CCDC15: variants seen among roughly 807,000 people sequenced by gnomAD.
CCDC15 encodes the protein coiled-coil domain containing 15.
CCDC15 carries 105 observed loss-of-function variants against 114.5 expected under a neutral mutation model. That is an observed-to-expected ratio of 0.92 (90% confidence interval 0.78 to 1.08). The LOEUF is 1.08. Among genes scored for constraint, CCDC15 ranks in the 50% least tolerant of loss-of-function variants. The probability of loss-of-function intolerance (pLI) is 0.00; values close to 1 mark genes in which losing one functional copy is unlikely to be tolerated. For synonymous variants in CCDC15, 334 were observed against 377.8 expected (o/e 0.88, Z 1.34); for missense variants, 1,105 against 1,093.6 (o/e 1.01, Z -0.15).
chr11:125,015,661 A>G (rs1039582467), intron 13 of CCDC15, among the ~76,000 whole-genome samples: 16 of 152,338 alleles, frequency 1.1e-4, no homozygotes, highest in African/African-American at 3.6e-4. Context: ...TTTTAAATGT[A>G]TAAGGGAAAA....
At position 124,954,884 on chromosome 11, in the gene CCDC15, C is replaced by G. The variant is rs1591562713; in HGVS notation, c.152C>G (p.Pro51Arg). ...PVGAWVEPAS[P>R]GSSEIPAYTS... is the part of the protein sequence containing the mutation. ...GGGGCATGGGTGGAACCTGCCTCAC[C>G]AGGTAGTTCGGAAATCCCAGCATAT... is the stretch of plus-strand genomic sequence containing the variant. Residue 51 changes from proline to arginine, a missense_variant, in exon 2 of 16, where the codon CCA (proline) becomes CGA (arginine). Coordinates refer to ENST00000344762, the MANE Select transcript of CCDC15 (RefSeq NM_025004.3). 4 of 1,613,944 alleles carry G rather than the reference C, an allele frequency of 2.5e-6. No homozygotes were observed. The East Asian group carries it at 8.9e-5, about 36-fold the overall frequency.
intron 4 of CCDC15, among the ~76,000 whole-genome samples, chr11:124,965,064 T>C (rs1046053056): frequency 9.2e-5 from 14 of 152,242 alleles, no homozygotes; most frequent in African/African-American, 3.1e-4. Flanking sequence ...TGAAGATTTT[T>C]GCATCGATGT....
At chr11:124,992,120 G>GT (rs905175348) in intron 9 of CCDC15, among the ~76,000 whole-genome samples, 1 of 152,006 alleles carries the variant, frequency 6.6e-6, no homozygotes, top group Non-Finnish European at 1.5e-5. Context: ...TCTCCTTTTT[G>GT]TTTTTTTCTC....
intron 11 of CCDC15, among the ~76,000 whole-genome samples, chr11:125,002,046 C>G (rs958662952): frequency 6.6e-6 from 1 of 152,160 alleles, no homozygotes; most frequent in Non-Finnish European, 1.5e-5. Context: ...TCAAATTTCT[C>G]CATATCCTCA....
chr11:124,965,515 A>G (rs1256931662), intron 4 of CCDC15, among the ~76,000 whole-genome samples: 2 of 151,850 alleles, frequency 1.3e-5, no homozygotes, highest in East Asian at 3.9e-4. Context: ...TATTGTGTCT[A>G]TTTGATTCTT....
In CCDC15 at chr11:124,954,856, G is replaced by A; in HGVS notation, c.124G>A (p.Val42Ile). 6.2e-7 allele frequency: 1 copy of A among 1,614,046 alleles called. No individual in the cohort carries two copies. Among genetic ancestry groups the A allele is most frequent in the Non-Finnish European group, 8.5e-7 (1 of 1,179,892 alleles). The change falls in exon 2 of 16, where the codon GTT becomes ATT. Residue 42 changes from valine (V) to isoleucine (I), a missense_variant. Val to Ile is a conservative substitution (Grantham distance 29). Coordinates refer to ENST00000344762, the MANE Select transcript of CCDC15 (RefSeq NM_025004.3). Reference protein sequence around the residue: ...LAERNEAIVPVGAWVEPASPG... With the variant: ...LAERNEAIVPIGAWVEPASPG... ...TGAGAGGAACGAGGCTATAGTACCA[G>A]TTGGGGCATGGGTGGAACCTGCCTC...
Position 124,992,570 on chromosome 11 carries a change from G to A in CCDC15, c.2032-10G>A, listed in dbSNP as rs1948288567. The A allele has an allele frequency of 6.5e-7, 1 of 1,527,646 alleles. No individual in the cohort carries two copies. Among genetic ancestry groups the A allele is most frequent in the Admixed American group, 1.9e-5 (1 of 53,738 alleles). The allele number at this position is 1,527,646 out of a possible 1,614,324, so 94.6% of individuals were successfully genotyped here. On this transcript the variant is annotated splice_polypyrimidine_tract_variant and intron_variant, in intron 9 of 15. Coordinates refer to ENST00000344762, the MANE Select transcript of CCDC15 (RefSeq NM_025004.3). ...TGTTGTTGTTTTTCCTTTAAAATAT[G>A]TTTCTCAAGCAACCTGCATCTTTTA... is the stretch of plus-strand genomic sequence containing the variant.
Position 124,988,146 on chromosome 11 carries a change from C to A in CCDC15, c.1908+12C>A. ...TACCAAAATATCAGGTAAAATAGAG[C>A]AGAAAGGAGATACAAAAAGAAGAAA... On this transcript the variant is annotated intron_variant, in intron 8 of 15. Coordinates refer to ENST00000344762, the MANE Select transcript of CCDC15 (RefSeq NM_025004.3). The A allele has an allele frequency of 6.3e-7, 1 of 1,593,254 alleles. No homozygotes were observed. The highest frequency in any genetic ancestry group is 8.5e-7 in the Non-Finnish European group (1 of 1,172,086).
At chr11:124,994,553 A>G (rs1948330730) in intron 11 of CCDC15, among the ~76,000 whole-genome samples, 1 of 152,066 alleles carries the variant, frequency 6.6e-6, no homozygotes, top group Non-Finnish European at 1.5e-5. Flanking sequence ...TTACAGTGTG[A>G]GAGGGGAAGA....
chr11:124,986,602 C>T, intron 6 of CCDC15, 140 bp from the exon 7 acceptor site: 1 of 864,576 alleles, frequency 1.2e-6, no homozygotes. Flanking sequence ...ATTATAATAG[C>T]AGTGACCTGA....
chr11:124,991,660 TGA>T (rs1948271436), intron 9 of CCDC15, 77 bp downstream of exon 9: 3 of 1,314,980 alleles, frequency 2.3e-6, no homozygotes, highest in South Asian at 3.3e-5. Context: ...TAATTTAGAA[TGA>T]GGGATTTTGG....
intron 5 of CCDC15, among the ~76,000 whole-genome samples, chr11:124,975,578 C>G (rs986850491): frequency 6.6e-6 from 1 of 152,040 alleles, no homozygotes; most frequent in African/African-American, 2.4e-5. Flanking sequence ...AAAAGACAGA[C>G]AAAGATCCCT....
At position 124,986,898 on chromosome 11, in the gene CCDC15, T is replaced by A; in HGVS notation, c.900+10T>A. The stretch of plus-strand genomic sequence containing the variant: ...TTTCAGCAGAGTTCAGGTAAAGCAA[T>A]AAGAGAAATTAAATTAATTGTGATT... On this transcript the variant is annotated intron_variant, in intron 7 of 15. Transcript: ENST00000344762. 6.5e-7 allele frequency: 1 copy of A among 1,529,316 alleles called. No homozygotes were observed. Among genetic ancestry groups the A allele is most frequent in the Non-Finnish European group, 8.8e-7 (1 of 1,139,432 alleles). The allele number at this position is 1,529,316 out of a possible 1,614,324, so 94.7% of individuals were successfully genotyped here.
At chr11:124,976,124 T>C (rs747091414) in intron 5 of CCDC15, among the ~76,000 whole-genome samples, 9 of 151,244 alleles carry the variant, frequency 6.0e-5, no homozygotes, top group East Asian at 1.9e-4. Context: ...AAATATGTTA[T>C]TTTTTTGCCA....
At position 124,991,454 on chromosome 11, in the gene CCDC15, C is replaced by G. The variant is rs372119127; in HGVS notation, c.1909-7C>G. ...AATTTATAGTTTTTTATTATTTTATCTTTTAGAAAGTACACTTTAAGGAGC... is the reference window on the plus strand; with the variant it reads ...AATTTATAGTTTTTTATTATTTTATGTTTTAGAAAGTACACTTTAAGGAGC... On this transcript the variant is annotated splice_region_variant and splice_polypyrimidine_tract_variant and intron_variant, in intron 8 of 15. Transcript: ENST00000344762. The G allele has an allele frequency of 6.7e-7, 1 of 1,499,200 alleles. No individual in the cohort carries two copies. The allele number at this position is 1,499,200 out of a possible 1,614,324, so 92.9% of individuals were successfully genotyped here. A position where few individuals can be genotyped will look rare whatever the true frequency, so the allele number is the denominator to read the frequency against.
rs1947626454 is a variant in CCDC15 at position 124,959,832 on chromosome 11, C to T, written c.345C>T (p.Ser115=). The change falls in exon 4 of 16, where the codon TCC becomes TCT. Residue 115 remains serine, a synonymous_variant. Coordinates refer to ENST00000344762, the MANE Select transcript of CCDC15 (RefSeq NM_025004.3). ...KSYERAQKEG[S]IAMQSSATHL... is the part of the protein sequence containing the mutation. ...TCGTGTAGGCACAAAAAGAAGGCTC[C>T]ATAGCCATGCAGTCTTCAGCAACAC... 3 of 1,600,308 alleles carry T rather than the reference C, an allele frequency of 1.9e-6. No individual in the cohort carries two copies. The highest frequency in any genetic ancestry group is 2.2e-5 in the East Asian group (1 of 44,636).
At chr11:125,033,623 T>TC (rs1489364555) in intron 13 of CCDC15, among the ~76,000 whole-genome samples, 2 of 152,170 alleles carry the variant, frequency 1.3e-5, no homozygotes, top group East Asian at 3.9e-4. Context: ...ACTAATCCAC[T>TC]CCACCATTCC....
At chr11:125,029,868 T>G (rs1488644035) in intron 13 of CCDC15, among the ~76,000 whole-genome samples, 8 of 152,206 alleles carry the variant, frequency 5.3e-5, no homozygotes, top group Admixed American at 3.9e-4. Flanking sequence ...GGACCTCCTG[T>G]GTTCCATGCA....
intron 6 of CCDC15, among the ~76,000 whole-genome samples, chr11:124,983,398 T>TA (rs1948105450): frequency 1.3e-5 from 2 of 152,148 alleles, no homozygotes; most frequent in Non-Finnish European, 2.9e-5. Context: ...CACTGGTTCT[T>TA]ATGTTTGTGG....
Sources: allele counts gnomAD v4.1 joint callset (sites outside exome capture counted in the v4.1 genomes callset), GRCh38; gene constraint gnomAD v4.1.1; transcripts MANE v1.5; gene names NCBI Gene and HGNC (gene_info 2026-07-23, HGNC 2026-07-21).